GOLGB1: variants seen among roughly 807,000 people sequenced by gnomAD.
The protein encoded by GOLGB1 is golgin subfamily B member 1.
In GOLGB1, 174 loss-of-function variants were observed where a neutral mutation model predicts 336.9. The observed-to-expected ratio is 0.52, with a 90% confidence interval of 0.46 to 0.59. The LOEUF (loss-of-function observed/expected upper bound fraction) is 0.59, where lower values mean the gene tolerates loss of function less well. Ranked by LOEUF, GOLGB1 falls within the 20% of genes least tolerant of loss-of-function variation. The pLI is 0.00. For missense variants in GOLGB1, 3,331 were observed against 3,645.3 expected (o/e 0.91, Z 2.22); for synonymous variants, 1,208 against 1,289.2 (o/e 0.94, Z 1.35).
At chr3:121,737,795 G>A (rs1946583066) in intron 1 of GOLGB1, among the ~76,000 whole-genome samples, 1 of 152,142 alleles carries the variant, frequency 6.6e-6, no homozygotes, top group South Asian at 2.1e-4. Context: ...TAAGAAAGAA[G>A]TGATGAGAGA....
Position 121,683,053 on chromosome 3 carries a change from A to ATTTTTTTTTTTTTTTTTTTTTTTT in GOLGB1, c.8695-1212_8695-1189dup, listed in dbSNP as rs746649684. On this transcript the variant is annotated intron_variant, in intron 14 of 21. Coordinates refer to ENST00000614479, the MANE Select transcript of GOLGB1 (RefSeq NM_001366282.2). The stretch of plus-strand genomic sequence containing the variant: ...GCTGCTTAAGAAGCAATTTCTTTTA[A>ATTTTTTTTTTTTTTTTTTTTTTTT]TTTTTTTTTTTTTTTTTTTTTTTTT... Among the ~76,000 whole-genome samples, 22 of 82,496 alleles carry ATTTTTTTTTTTTTTTTTTTTTTTT rather than the reference A, an allele frequency of 2.7e-4. 2 individuals carry two copies. The highest frequency in any genetic ancestry group is 3.9e-4 in the Non-Finnish European group (16 of 41,532). The allele number at this position is 82,496 out of a possible 152,430, so 54.1% of individuals were successfully genotyped here. A position where few individuals can be genotyped will look rare whatever the true frequency, so the allele number is the denominator to read the frequency against.
chr3:121,690,907 A>T lies in GOLGB1; in HGVS notation c.8457T>A (p.Asp2819Glu). The change falls in exon 14 of 22, where the codon GAT becomes GAA. Residue 2819 changes from aspartate to glutamate, a missense_variant. By Grantham distance (45) the Asp-to-Glu change is conservative. Coordinates refer to ENST00000614479, the MANE Select transcript of GOLGB1 (RefSeq NM_001366282.2). ...EKLNQQLLSK[D>E]EQLLHLSSQL... ...GTGAGGACAAGTGAAGCAATTGCTC[A>T]TCTTTGGATAGGAGCTGTTGGTTAA... 6.2e-7 allele frequency: 1 copy of T among 1,614,142 alleles called. No homozygotes were observed. The highest frequency in any genetic ancestry group is 8.5e-7 in the Non-Finnish European group (1 of 1,179,950).
intron 1 of GOLGB1, among the ~76,000 whole-genome samples, chr3:121,747,343 A>ATATGTGTATATACGTATATATACG (rs1336844990): frequency 7.8e-4 from 111 of 141,792 alleles, no homozygotes; most frequent in Non-Finnish European, 1.1e-3. Flanking sequence ...ATATATGTAT[A>ATATGTGTATATACGTATATATACG]TATATGTGTA....
At position 121,694,667 on chromosome 3, in the gene GOLGB1, G is replaced by A; in HGVS notation, c.5856C>T (p.Ala1952=). Residue 1952 remains alanine (A), a synonymous_variant, in exon 13 of 22, where the codon GCC becomes GCT. Transcript: ENST00000614479. ...ATTCCAATAGCTCATTTTTTATTTGGGCATCTGTAACATCCTGACAGTAAT... is the reference window on the plus strand; with the variant it reads ...ATTCCAATAGCTCATTTTTTATTTGAGCATCTGTAACATCCTGACAGTAAT... ...IGNYCQDVTD[A]QIKNELLESE... 6.2e-7 allele frequency: 1 copy of A among 1,610,254 alleles called. No homozygotes were observed. Among genetic ancestry groups the A allele is most frequent in the Non-Finnish European group, 8.5e-7 (1 of 1,179,446 alleles).
chr3:121,718,503 TGAG>T lies in GOLGB1; in HGVS notation c.772-5_772-3del. On this transcript the variant is annotated splice_region_variant and splice_polypyrimidine_tract_variant and intron_variant, in intron 7 of 21. Coordinates refer to ENST00000614479, the MANE Select transcript of GOLGB1 (RefSeq NM_001366282.2). ...CTTCCTTTGCAGCACCCTCAATTTC[TGAG>T]AAGAAAACATTTTAGACATAATATG... 6.3e-7 allele frequency: 1 copy of T among 1,595,472 alleles called. No homozygotes were observed. Among genetic ancestry groups the T allele is most frequent in the Non-Finnish European group, 8.6e-7 (1 of 1,163,224 alleles).
chr3:121,669,145 T>C, intron 18 of GOLGB1, 67 bp downstream of exon 18: 5 of 1,510,924 alleles, frequency 3.3e-6, no homozygotes, highest in Non-Finnish European at 4.6e-6. Context: ...TACTGCTCTG[T>C]AGTGCTTCAC....
At chr3:121,664,686 T>C (rs1386172454) in intron 21 of GOLGB1, 72 bp from the exon 22 acceptor site, 5 of 1,440,486 alleles carry the variant, frequency 3.5e-6, no homozygotes, top group African/African-American at 2.8e-5. Flanking sequence ...CTACTAGTCT[T>C]GCACTTAAGC....
chr3:121,677,512 C>T, intron 15 of GOLGB1, 62 bp from the exon 16 acceptor site: 1 of 1,060,574 alleles, frequency 9.4e-7, no homozygotes, highest in Non-Finnish European at 1.5e-6. Context: ...TGGTAGCTCG[C>T]ACCTGTAACC....
chr3:121,672,876 A>G (rs1393178344), intron 17 of GOLGB1, among the ~76,000 whole-genome samples: 6 of 152,224 alleles, frequency 3.9e-5, no homozygotes, highest in Admixed American at 3.9e-4. Context: ...ACCATTTATT[A>G]GAGAGATTGT....
chr3:121,718,480 T>A lies in GOLGB1; in HGVS notation c.793A>T (p.Lys265Ter). The A allele has an allele frequency of 6.2e-7, 1 of 1,613,270 alleles. No individual in the cohort carries two copies. Residue 265 changes from lysine (K) to a stop codon, truncating the protein, a stop_gained, in exon 8 of 22, where the codon AAG (lysine) becomes TAG (stop). Transcript: ENST00000614479. LOFTEE classifies it high-confidence loss of function. ...AAGGATTCTTCGTGTTCCTCAAGCT[T>A]CCTTTGCAGCACCCTCAATTTCTGA... ...MQQKLRVLQR[K>*]LEEHEESLVG...
At chr3:121,727,261 G>A (rs1484341313) in intron 4 of GOLGB1, among the ~76,000 whole-genome samples, 1 of 113,900 alleles carries the variant, frequency 8.8e-6, no homozygotes, top group Admixed American at 1.2e-4. Context: ...TCACATAATA[G>A]CTATAAACTG....
chr3:121,670,626 G>A (rs919994206), intron 17 of GOLGB1, among the ~76,000 whole-genome samples: 1 of 151,970 alleles, frequency 6.6e-6, no homozygotes, highest in Admixed American at 6.6e-5. Flanking sequence ...GTTTACAAAT[G>A]GCTAGTAGAT....
rs1483227340 is a variant in GOLGB1, at chr3:121,698,650, G to C, written c.1873C>G (p.Gln625Glu). Residue 625 changes from glutamine (Q) to glutamate (E), a missense_variant, in exon 13 of 22, where the codon CAA (glutamine) becomes GAA (glutamate). Gln to Glu is a conservative substitution (Grantham distance 29). Transcript: ENST00000614479. ...TCATTTGGCATTAAGGGAAAATCTTGCCCTGTATCTTCAAGAAATACTTTC... is the reference window on the plus strand; with the variant it reads ...TCATTTGGCATTAAGGGAAAATCTTCCCCTGTATCTTCAAGAAATACTTTC... ...KMKVFLEDTG[Q>E]DFPLMPNEES... 9.3e-6 allele frequency: 15 copies of C among 1,613,664 alleles called. No homozygotes were observed. Among genetic ancestry groups the C allele is most frequent in the Non-Finnish European group, 1.3e-5 (15 of 1,179,712 alleles).
Position 121,696,803 on chromosome 3 carries a change from T to A in GOLGB1, c.3720A>T (p.Gln1240His). The A allele has an allele frequency of 6.2e-7, 1 of 1,614,064 alleles. No individual in the cohort carries two copies. The highest frequency in any genetic ancestry group is 8.5e-7 in the Non-Finnish European group (1 of 1,179,956). ...TGGATTCCCTTACTTGAATCTGGAG[T>A]TGCCTTAGCTGGTCTCCAATATTCT... ...ENENIGDQLR[Q>H]LQIQVRESID... The change falls in exon 13 of 22, where the codon CAA becomes CAT. Residue 1240 changes from glutamine to histidine, a missense_variant. Coordinates refer to ENST00000614479, the MANE Select transcript of GOLGB1 (RefSeq NM_001366282.2).
At position 121,664,141 on chromosome 3, in the gene GOLGB1, T is replaced by C. The variant is rs1938261069; in HGVS notation, c.*339A>G. ...TATTAGGTTTATTGAAACCATCCTC[T>C]TGGCTTGGCTGAAAGACATTCCTCA... On this transcript the variant is annotated 3_prime_UTR_variant, in exon 22 of 22. Coordinates refer to ENST00000614479, the MANE Select transcript of GOLGB1 (RefSeq NM_001366282.2). 2 of 253,768 alleles carry C rather than the reference T, an allele frequency of 7.9e-6. No individual in the cohort carries two copies. The highest frequency in any genetic ancestry group is 9.1e-5 in the South Asian group (1 of 10,964). 15.7% of individuals were successfully genotyped at this position (253,768 alleles called of 1,614,324 possible).
rs1938259235 is a variant in GOLGB1 at position 121,664,126 on chromosome 3, A to G, written c.*354T>C. ...TACTGAACTTCAGATTATTAGGTTT[A>G]TTGAAACCATCCTCTTGGCTTGGCT... On this transcript the variant is annotated 3_prime_UTR_variant, in exon 22 of 22. Coordinates refer to ENST00000614479, the MANE Select transcript of GOLGB1 (RefSeq NM_001366282.2). The G allele has an allele frequency of 4.3e-6, 1 of 234,482 alleles. No individual in the cohort carries two copies. The highest frequency in any genetic ancestry group is 8.5e-6 in the Non-Finnish European group (1 of 118,146). The allele number at this position is 234,482 out of a possible 1,614,324, so 14.5% of individuals were successfully genotyped here.
At chr3:121,726,252 G>T (rs1315957597) in intron 5 of GOLGB1, among the ~76,000 whole-genome samples, 3 of 151,014 alleles carry the variant, frequency 2.0e-5, no homozygotes, top group Non-Finnish European at 4.4e-5. Flanking sequence ...AGCTAACATG[G>T]TGAAACCCCA....
intron 1 of GOLGB1, among the ~76,000 whole-genome samples, chr3:121,741,911 AT>A (rs2108400549): frequency 1.3e-5 from 2 of 152,304 alleles, no homozygotes; most frequent in African/African-American, 4.8e-5. Flanking sequence ...TAAAGTGGAA[AT>A]GTACAAAATG....
intron 5 of GOLGB1, among the ~76,000 whole-genome samples, chr3:121,723,761 A>G (rs1945354292): frequency 6.6e-6 from 1 of 152,226 alleles, no homozygotes; most frequent in Admixed American, 6.5e-5. Context: ...TCCGGCTCCC[A>G]TATCTTTGAA....
Sources: gnomAD v4.1 joint callset for allele counts (sites outside exome capture counted in the v4.1 genomes callset) on GRCh38, gnomAD v4.1.1 for gene constraint, MANE v1.5 for transcripts, NCBI Gene and HGNC (gene_info 2026-07-23, HGNC 2026-07-21) for gene names.